The following LRRC27 variants were observed in gnomAD, a reference collection of about 807,000 sequenced individuals.
LRRC27 encodes the protein leucine-rich repeat-containing protein 27.
In LRRC27, 57 loss-of-function variants were observed where a neutral mutation model predicts 55.0. That is an observed-to-expected ratio of 1.04 (90% CI 0.84 to 1.29). LRRC27 has a LOEUF of 1.29. LRRC27 is among the 50% of genes most tolerant of loss of function. LRRC27 has a pLI of 0.00. For synonymous variants in LRRC27, 278 were observed against 251.9 expected (o/e 1.10, Z -0.98); for missense variants, 721 against 651.5 (o/e 1.11, Z -1.16).
Position 132,374,928 on chromosome 10 carries a change from AGGGGCCCC to A in LRRC27, c.1417-132_1417-125del. 2.2e-6 allele frequency: 2 copies of A among 893,766 alleles called. No homozygotes were observed. Among genetic ancestry groups the A allele is most frequent in the South Asian group, 3.4e-5 (2 of 58,250 alleles). 55.4% of individuals were successfully genotyped at this position (893,766 alleles called of 1,614,324 possible). On this transcript the variant is annotated intron_variant, in intron 10 of 10. Coordinates refer to ENST00000368614, the MANE Select transcript of LRRC27 (RefSeq NM_030626.3). The surrounding 1 kb of genome is among the most constrained non-coding windows in gnomAD (Gnocchi z 4.4). ...GGGACCGCGCCGTGATGCGGCTTGC[AGGGGCCCC>A]GGGGCAGCGGGGCTGGCTCTGCTGA...
chr10:132,343,912 C>G (rs2067547117), intron 4 of LRRC27, among the ~76,000 whole-genome samples: 1 of 152,258 alleles, frequency 6.6e-6, no homozygotes, highest in Admixed American at 6.5e-5. Flanking sequence ...ACCACGGGAG[C>G]CTTACCTCTC....
rs1407322393 is a variant in LRRC27, at chr10:132,364,557, A to C, written c.1290-867A>C. 6.0e-5 allele frequency among the ~76,000 whole-genome samples: 4 copies of C among 67,100 alleles called. 1 individual carries two copies. Among genetic ancestry groups the C allele is most frequent in the African/African-American group, 1.1e-4 (2 of 18,464 alleles). 44.0% of individuals were successfully genotyped at this position (67,100 alleles called of 152,430 possible). ...CACTTAAATCTACCTCCACACCCAC[A>C]CTTACACCCACGTCCACACCCTGGG... On this transcript the variant is annotated intron_variant, in intron 9 of 10. Transcript: ENST00000368614.
At chr10:132,331,644 G>C (rs772081131), upstream of LRRC27, 35 of 1,612,770 alleles carry the variant, frequency 2.2e-5, no homozygotes, top group South Asian at 2.6e-4. Flanking sequence ...CGCTCCAAAG[G>C]TGGTGCCTCA....
At chr10:132,361,297 C>G (rs1004510768) in intron 8 of LRRC27, among the ~76,000 whole-genome samples, 160 bp from the exon 9 acceptor site, 1 of 152,242 alleles carries the variant, frequency 6.6e-6, no homozygotes, top group Non-Finnish European at 1.5e-5. Context: ...TAGCCAAGAC[C>G]TGGGGGGATG....
At chr10:132,366,714 G>T in intron 10 of LRRC27, 1 of 580,278 alleles carries the variant, frequency 1.7e-6, no homozygotes, top group Non-Finnish European at 2.4e-6. Flanking sequence ...TCAGGCTGGT[G>T]CGAGCTGCAT....
chr10:132,352,999 G>C (rs138049710), intron 7 of LRRC27: 2 of 1,610,188 alleles, frequency 1.2e-6, no homozygotes, highest in South Asian at 2.2e-5. Context: ...TGTGTTGGCC[G>C]ATGGACTCGG....
intron 3 of LRRC27, among the ~76,000 whole-genome samples, chr10:132,339,518 TC>T (rs954059373): frequency 6.6e-6 from 1 of 152,114 alleles, no homozygotes; most frequent in African/African-American, 2.4e-5. Flanking sequence ...AGAAGAGTGT[TC>T]CGGGGCTCAG....
chr10:132,359,141 C>T lies in LRRC27; in HGVS notation c.1171-2316C>T, dbSNP rs867916052. Among the ~76,000 whole-genome samples the T allele has an allele frequency of 9.0e-5, 12 of 132,648 alleles. 2 individuals carry two copies. Among genetic ancestry groups the T allele is most frequent in the South Asian group, 8.2e-4 (3 of 3,658 alleles). The allele number at this position is 132,648 out of a possible 152,430, so 87.0% of individuals were successfully genotyped here. ...GAGGTGGTGGAGCGTGGGAAGGAGC[C>T]GAGGTGGTGGAGCAGCGTGGGGAGG... On this transcript the variant is annotated intron_variant, in intron 8 of 10. Transcript: ENST00000368614.
In LRRC27 at chr10:132,374,915, T is replaced by C. The variant is rs938365266; in HGVS notation, c.1417-151T>C. ...CCCCATTGCAGGGGGGACCGCGCCGTGATGCGGCTTGCAGGGGCCCCGGGG... is the reference window on the plus strand; with the variant it reads ...CCCCATTGCAGGGGGGACCGCGCCGCGATGCGGCTTGCAGGGGCCCCGGGG... On this transcript the variant is annotated intron_variant, in intron 10 of 10. Transcript: ENST00000368614. The surrounding 1 kb of genome is among the most constrained non-coding windows in gnomAD (Gnocchi z 4.4). 18 of 773,828 alleles carry C rather than the reference T, an allele frequency of 2.3e-5. No homozygotes were observed. The highest frequency in any genetic ancestry group is 3.3e-5 in the Non-Finnish European group (16 of 491,868). The allele number at this position is 773,828 out of a possible 1,614,324, so 47.9% of individuals were successfully genotyped here.
At chr10:132,343,539 T>A (rs1396385046) in intron 4 of LRRC27, among the ~76,000 whole-genome samples, 1 of 152,040 alleles carries the variant, frequency 6.6e-6, no homozygotes, top group Non-Finnish European at 1.5e-5. Context: ...TAATACAGAG[T>A]CACTTGCCAC....
At chr10:132,336,648 CG>C in intron 2 of LRRC27, 1 of 652,540 alleles carries the variant, frequency 1.5e-6, no homozygotes, top group South Asian at 1.8e-5. Context: ...CACATTGCCC[CG>C]TCTCACAGAT....
chr10:132,331,954 G>C, upstream of LRRC27: 1 of 514,226 alleles, frequency 1.9e-6, no homozygotes, highest in Non-Finnish European at 3.2e-6. Context: ...CCCCAGCGCA[G>C]GCGCACCACA....
chr10:132,367,626 A>G (rs2069128253), intron 10 of LRRC27, among the ~76,000 whole-genome samples: 1 of 152,256 alleles, frequency 6.6e-6, no homozygotes, highest in Non-Finnish European at 1.5e-5. Context: ...GGTTTTATCA[A>G]TAGATGCAGA....
In LRRC27 at chr10:132,363,713, G is replaced by A. The variant is rs545738730; in HGVS notation, c.1290-1711G>A. On this transcript the variant is annotated intron_variant, in intron 9 of 10. Transcript: ENST00000368614. ...CCTGAGCTTGGAAGGCCCAGGGCCT[G>A]GCCCCGGCCCTGCTGCTCAGCGTAC... 7.7e-4 allele frequency among the ~76,000 whole-genome samples: 118 copies of A among 152,306 alleles called. No homozygotes were observed. The East Asian group carries it at 9.5e-3, about 12-fold the overall frequency.
chr10:132,355,783 T>G lies in LRRC27; in HGVS notation c.1074-7T>G. 1 of 1,548,274 alleles carries G rather than the reference T, an allele frequency of 6.5e-7. No homozygotes were observed. The highest frequency in any genetic ancestry group is 8.7e-7 in the Non-Finnish European group (1 of 1,144,098). ...TAACTTATGACATTAACCTTCCCTT[T>G]CTCCAGAGAGAAAAGGGCACTGCAG... On this transcript the variant is annotated splice_region_variant and splice_polypyrimidine_tract_variant and intron_variant, in intron 7 of 10. Transcript: ENST00000368614.
At chr10:132,346,861 G>C (rs2067725639) in intron 5 of LRRC27, among the ~76,000 whole-genome samples, 1 of 152,164 alleles carries the variant, frequency 6.6e-6, no homozygotes, top group African/African-American at 2.4e-5. Context: ...AAGCATGTTT[G>C]CCCATTTTTT....
intron 8 of LRRC27, among the ~76,000 whole-genome samples, chr10:132,360,855 C>G (rs993073597): frequency 6.6e-6 from 1 of 152,200 alleles, no homozygotes; most frequent in Non-Finnish European, 1.5e-5. Flanking sequence ...TTCTGACAGT[C>G]CCCGGGAACA....
rs554354660 is a variant in LRRC27, at chr10:132,336,710, C to T, written c.211-855C>T. On this transcript the variant is annotated intron_variant, in intron 2 of 10. Transcript: ENST00000368614. ...CAGGAACTTGCTCAAGGTCACACAG[C>T]CAATAGATTTTGAAACCTAGATGTG... is the stretch of plus-strand genomic sequence containing the variant. The T allele has an allele frequency of 1.2e-4, 88 of 727,910 alleles. 2 individuals carry two copies. The South Asian group carries it at 1.3e-3, about 10-fold the overall frequency. The allele number at this position is 727,910 out of a possible 1,614,324, so 45.1% of individuals were successfully genotyped here.
upstream of LRRC27, chr10:132,331,447 G>GC (rs769456057): frequency 8.1e-6 from 13 of 1,609,722 alleles, no homozygotes; most frequent in African/African-American, 1.1e-4. Context: ...GCGTTTCCTC[G>GC]CCCCCCTCAC....
Sources: allele counts gnomAD v4.1 joint callset (sites outside exome capture counted in the v4.1 genomes callset), GRCh38; gene constraint gnomAD v4.1.1; non-coding constraint Gnocchi (gnomAD v3.1); transcripts MANE v1.5; gene names NCBI Gene and HGNC (gene_info 2026-07-23, HGNC 2026-07-21).